Variants in CLVS1 observed in about 807,000 individuals in gnomAD.
CLVS1 encodes the protein clavesin 1, also known as clavesin-1.
CLVS1 carries 10 observed loss-of-function variants against 33.1 expected under a neutral mutation model. That is an observed-to-expected ratio of 0.30 (90% CI 0.19 to 0.51). The LOEUF (loss-of-function observed/expected upper bound fraction) is 0.51. Among genes scored for constraint, CLVS1 ranks in the 20% least tolerant of loss-of-function variants. The pLI is 0.97. For synonymous variants in CLVS1, 163 were observed against 166.1 expected, an observed-to-expected ratio of 0.98 and a Z score of 0.14; for missense variants, 343 against 433.4, an observed-to-expected ratio of 0.79 and a Z score of 1.85.
intron 3 of CLVS1, among the ~76,000 whole-genome samples, chr8:61,379,778 A>T (rs554222428): frequency 6.6e-6 from 1 of 152,292 alleles, no homozygotes; most frequent in African/African-American, 2.4e-5. Flanking sequence ...GGAGAAATTA[A>T]GCTGGGATTC....
the CLVS1 span, among the ~76,000 whole-genome samples, chr8:60,985,771 A>G: frequency 2.0e-5 from 3 of 150,208 alleles, no homozygotes; most frequent in African/African-American, 7.4e-5. Context: ...TTGTTAATCC[A>G]GTGGGTTTGG....
chr8:61,477,718 T>C (rs1461588778), intron 5 of CLVS1, among the ~76,000 whole-genome samples: 1 of 152,204 alleles, frequency 6.6e-6, no homozygotes, highest in Non-Finnish European at 1.5e-5. Context: ...GCTAGTGGTC[T>C]ATCAATTTTG....
At chr8:61,314,125 T>C (rs1246755625) in intron 2 of CLVS1, among the ~76,000 whole-genome samples, 5 of 152,210 alleles carry the variant, frequency 3.3e-5, no homozygotes, top group Non-Finnish European at 5.9e-5. Context: ...CTGTTCAGGA[T>C]GCTGCTTTTC....
chr8:61,073,361 T>C (rs532744033), intron 1 of CLVS1, among the ~76,000 whole-genome samples: 9 of 152,372 alleles, frequency 5.9e-5, no homozygotes, highest in Admixed American at 2.6e-4. Context: ...TTTCCTTTCA[T>C]TGGCTTTTTC....
intron 3 of CLVS1, among the ~76,000 whole-genome samples, chr8:61,452,100 G>A (rs1260747697): frequency 1.3e-5 from 2 of 152,144 alleles, no homozygotes; most frequent in African/African-American, 2.4e-5. Flanking sequence ...ATCAACCAGG[G>A]ATAATATAGA....
intron 1 of CLVS1, among the ~76,000 whole-genome samples, chr8:61,120,748 G>T (rs1397336740): frequency 2.8e-5 from 4 of 142,592 alleles, no homozygotes; most frequent in Admixed American, 2.0e-4. Flanking sequence ...CTCCAGCTGC[G>T]TGCTGGGAGA....
the CLVS1 span, among the ~76,000 whole-genome samples, chr8:61,047,953 TAAA>T: frequency 6.6e-6 from 1 of 151,014 alleles, no homozygotes; most frequent in Non-Finnish European, 1.5e-5. Context: ...AATAATAAAA[TAAA>T]AAAAATTCAT....
At chr8:61,049,289 T>G in the CLVS1 span, among the ~76,000 whole-genome samples, 46 of 152,280 alleles carry the variant, frequency 3.0e-4, no homozygotes, top group African/African-American at 1.1e-3. Context: ...GAACTGGACA[T>G]GGGCAAGATT....
chr8:61,350,284 G>A (rs928549699), intron 2 of CLVS1, among the ~76,000 whole-genome samples: 1 of 152,062 alleles, frequency 6.6e-6, no homozygotes, highest in Non-Finnish European at 1.5e-5. Context: ...AGAGAATCAA[G>A]TATCCCATTT....
intron 2 of CLVS1, among the ~76,000 whole-genome samples, chr8:61,203,559 A>G (rs548543194): frequency 2.1e-4 from 32 of 152,068 alleles, no homozygotes; most frequent in African/African-American, 7.7e-4. Flanking sequence ...AAAAAAAAGA[A>G]TGGTAGCACA....
intron 2 of CLVS1, among the ~76,000 whole-genome samples, chr8:61,237,288 G>T (rs1808587575): frequency 6.6e-6 from 1 of 150,690 alleles, no homozygotes; most frequent in African/African-American, 2.4e-5. Flanking sequence ...AATAGGAAAA[G>T]AAAAAAAAAG....
chr8:61,416,658 T>TC (rs1297551146), intron 3 of CLVS1, among the ~76,000 whole-genome samples: 1 of 152,034 alleles, frequency 6.6e-6, no homozygotes, highest in African/African-American at 2.4e-5. Flanking sequence ...GCAAGTAGCT[T>TC]CCCCCAGGCC....
chr8:61,437,462 T>C (rs1484685706), intron 3 of CLVS1, among the ~76,000 whole-genome samples: 4 of 152,198 alleles, frequency 2.6e-5, no homozygotes, highest in Non-Finnish European at 4.4e-5. Flanking sequence ...GTATTTAGTA[T>C]GGAGAAGCAA....
chr8:61,383,247 C>T (rs1813955776), intron 3 of CLVS1, among the ~76,000 whole-genome samples: 1 of 152,182 alleles, frequency 6.6e-6, no homozygotes, highest in South Asian at 2.1e-4. Flanking sequence ...TCTTTCTGTT[C>T]ATGTGGTGTG....
intron 2 of CLVS1, among the ~76,000 whole-genome samples, chr8:61,308,385 T>C (rs1810706421): frequency 1.3e-5 from 2 of 152,222 alleles, no homozygotes; most frequent in South Asian, 4.2e-4. Context: ...CCTGAGTGGT[T>C]AGATGTTTCA....
chr8:61,174,874 T>C (rs1035092506), intron 2 of CLVS1, among the ~76,000 whole-genome samples: 10 of 152,252 alleles, frequency 6.6e-5, no homozygotes, highest in African/African-American at 7.2e-5. Flanking sequence ...CATTACTCTA[T>C]TCTATAAGGG....
intron 2 of CLVS1, among the ~76,000 whole-genome samples, chr8:61,367,279 A>T (rs1813248771): frequency 6.6e-6 from 1 of 152,208 alleles, no homozygotes; most frequent in African/African-American, 2.4e-5. Flanking sequence ...GCAGAATGAG[A>T]TGAATCACAA....
chr8:61,049,283 T>A, the CLVS1 span, among the ~76,000 whole-genome samples: 4 of 152,190 alleles, frequency 2.6e-5, no homozygotes, highest in Non-Finnish European at 2.9e-5. Context: ...AGGGGAGAAC[T>A]GGACATGGGC....
intron 2 of CLVS1, among the ~76,000 whole-genome samples, chr8:61,219,304 C>T (rs1207556373): frequency 2.6e-5 from 4 of 152,080 alleles, no homozygotes; most frequent in African/African-American, 7.2e-5. Context: ...TCTCTCACTT[C>T]CCCCCACCAA....
Sources: allele counts gnomAD v4.1 joint callset (sites outside exome capture counted in the v4.1 genomes callset), GRCh38; gene constraint gnomAD v4.1.1; transcripts MANE v1.5; gene names NCBI Gene and HGNC (gene_info 2026-07-23, HGNC 2026-07-21).